STXBP5L: variants seen among roughly 807,000 people sequenced by gnomAD.
STXBP5L encodes the protein syntaxin binding protein 5L, also known as syntaxin-binding protein 5-like.
A neutral mutation model predicts 144.5 loss-of-function variants in STXBP5L; 65 were observed. That is an observed-to-expected ratio of 0.45 (90% CI 0.37 to 0.55). The LOEUF (loss-of-function observed/expected upper bound fraction) is 0.55. STXBP5L is among the 20% of genes least tolerant of loss of function. The probability of loss-of-function intolerance (pLI) is 0.00; values close to 1 mark genes in which losing one functional copy is unlikely to be tolerated. For missense variants in STXBP5L, 1,298 were observed against 1,405.5 expected, an observed-to-expected ratio of 0.92 and a Z score of 1.22; for synonymous variants, 505 against 469.6, an observed-to-expected ratio of 1.08 and a Z score of -0.97.
At position 121,172,056 on chromosome 3, in the gene STXBP5L, C is replaced by T. The variant is rs72966173; in HGVS notation, c.877+14429C>T. Among the ~76,000 whole-genome samples, 382 of 152,268 alleles carry T rather than the reference C, an allele frequency of 2.5e-3. 3 individuals carry two copies. Among genetic ancestry groups the T allele is most frequent in the African/African-American group, 8.6e-3 (359 of 41,560 alleles). On this transcript the variant is annotated intron_variant, in intron 9 of 26. Transcript: ENST00000471454. ...CCTCAGAAATAGCACGACACATCTA[C>T]AACCACCTGCTCTTTGACAAACGTG...
At chr3:121,072,052 A>G (rs549519854) in intron 5 of STXBP5L, among the ~76,000 whole-genome samples, 2 of 152,300 alleles carry the variant, frequency 1.3e-5, no homozygotes, top group African/African-American at 4.8e-5. Flanking sequence ...TTTCCATTTG[A>G]TTTTTAACAT....
intron 3 of STXBP5L, among the ~76,000 whole-genome samples, chr3:121,009,442 G>C (rs960955626): frequency 6.6e-6 from 1 of 152,090 alleles, no homozygotes; most frequent in South Asian, 2.1e-4. Context: ...TTATGACTAA[G>C]TGTACTGCTT....
Position 121,389,958 on chromosome 3 carries a change from G to A in STXBP5L, c.2587+8426G>A, listed in dbSNP as rs536773110. Among the ~76,000 whole-genome samples, 50 of 152,260 alleles carry A rather than the reference G, an allele frequency of 3.3e-4. No individual in the cohort carries two copies. The East Asian group carries it at 8.3e-3, about 25-fold the overall frequency. On this transcript the variant is annotated intron_variant, in intron 22 of 26. Coordinates refer to ENST00000471454, the MANE Select transcript of STXBP5L (RefSeq NM_001308330.2). ...GATATCCTTGTTAACCTTCTGTCTC[G>A]TGGATCTGTCTAATGTTGACAGTGG...
At chr3:121,086,788 T>A (rs2042516720) in intron 5 of STXBP5L, among the ~76,000 whole-genome samples, 1 of 152,090 alleles carries the variant, frequency 6.6e-6, no homozygotes, top group Non-Finnish European at 1.5e-5. Flanking sequence ...GGTTTTGGGA[T>A]ACTCAACCTG....
At chr3:121,006,827 A>G (rs897150442) in intron 3 of STXBP5L, among the ~76,000 whole-genome samples, 2 of 152,146 alleles carry the variant, frequency 1.3e-5, no homozygotes, top group Non-Finnish European at 2.9e-5. Flanking sequence ...TTGGCTGTAT[A>G]TGAAATTCTG....
At chr3:121,177,710 C>T (rs1039522989) in intron 9 of STXBP5L, among the ~76,000 whole-genome samples, 1 of 152,134 alleles carries the variant, frequency 6.6e-6, no homozygotes, top group Admixed American at 6.6e-5. Flanking sequence ...CTGTGGAAAA[C>T]AGTATGGTGG....
At chr3:121,116,853 A>C (rs181124084) in intron 6 of STXBP5L, among the ~76,000 whole-genome samples, 5 of 152,140 alleles carry the variant, frequency 3.3e-5, no homozygotes, top group African/African-American at 1.2e-4. Context: ...TGATAAAAAC[A>C]TACAGGCTTA....
Position 121,190,866 on chromosome 3 carries a change from G to A in STXBP5L, c.878-15057G>A, listed in dbSNP as rs181059424. The stretch of plus-strand genomic sequence containing the variant: ...ATGCTCCTCACCTCCCAGACGGGGT[G>A]GCGGCGGGGCAGAGACACTCCTCAG... On this transcript the variant is annotated intron_variant, in intron 9 of 26. Transcript: ENST00000471454. Among the ~76,000 whole-genome samples the A allele has an allele frequency of 2.0e-3, 301 of 151,918 alleles. 8 individuals carry two copies. In the East Asian group the frequency reaches 0.051, roughly 26 times the overall value.
intron 9 of STXBP5L, among the ~76,000 whole-genome samples, chr3:121,164,940 A>G (rs2046448834): frequency 6.6e-6 from 1 of 152,202 alleles, no homozygotes; most frequent in Non-Finnish European, 1.5e-5. Context: ...GCAGATATAT[A>G]GAAGAAAAAG....
intron 22 of STXBP5L, among the ~76,000 whole-genome samples, chr3:121,383,005 G>T (rs12107515): frequency 1.3e-5 from 2 of 151,996 alleles, no homozygotes; most frequent in African/African-American, 4.8e-5. Flanking sequence ...TCATTGGCTA[G>T]GCACAGTGGC....
At chr3:121,097,553 C>T (rs1301407200) in intron 5 of STXBP5L, among the ~76,000 whole-genome samples, 1 of 152,084 alleles carries the variant, frequency 6.6e-6, no homozygotes, top group Non-Finnish European at 1.5e-5. Context: ...CATGGCTTCC[C>T]TTGGTTAGGG....
chr3:121,080,935 C>G (rs1368826665), intron 5 of STXBP5L, among the ~76,000 whole-genome samples: 1 of 152,188 alleles, frequency 6.6e-6, no homozygotes, highest in Non-Finnish European at 1.5e-5. Flanking sequence ...AAGTTTTCCT[C>G]AATAATTCCT....
At chr3:121,383,262 C>T (rs1000236065) in intron 22 of STXBP5L, among the ~76,000 whole-genome samples, 1 of 151,934 alleles carries the variant, frequency 6.6e-6, no homozygotes, top group Non-Finnish European at 1.5e-5. Flanking sequence ...CATAATGAGA[C>T]CCCATCTCTA....
At chr3:121,069,879 C>G (rs541904191) in intron 5 of STXBP5L, among the ~76,000 whole-genome samples, 5 of 152,160 alleles carry the variant, frequency 3.3e-5, no homozygotes, top group African/African-American at 4.8e-5. Flanking sequence ...TGCTCTTGCA[C>G]TTTTGTCGAA....
intron 10 of STXBP5L, among the ~76,000 whole-genome samples, chr3:121,215,536 T>A (rs542915408): frequency 6.6e-6 from 1 of 152,312 alleles, no homozygotes; most frequent in Non-Finnish European, 1.5e-5. Context: ...TGGCCCCAAC[T>A]TTTTTATGGC....
chr3:121,060,623 G>T (rs2041222048), intron 5 of STXBP5L, among the ~76,000 whole-genome samples: 1 of 152,136 alleles, frequency 6.6e-6, no homozygotes, highest in Non-Finnish European at 1.5e-5. Flanking sequence ...TGGTTGTTAG[G>T]CTATTAATTA....
intron 5 of STXBP5L, among the ~76,000 whole-genome samples, chr3:121,060,222 G>A (rs2041200715): frequency 6.6e-6 from 1 of 152,118 alleles, no homozygotes; most frequent in Admixed American, 6.5e-5. Flanking sequence ...TGCATCTTTG[G>A]AGGTAATCAT....
At chr3:121,226,374 G>T (rs1159769182) in intron 11 of STXBP5L, among the ~76,000 whole-genome samples, 1 of 152,154 alleles carries the variant, frequency 6.6e-6, no homozygotes, top group African/African-American at 2.4e-5. Context: ...TTTGTGATGT[G>T]AATTGAGGAG....
intron 20 of STXBP5L, among the ~76,000 whole-genome samples, chr3:121,353,096 G>T (rs1048225404): frequency 1.3e-5 from 2 of 152,156 alleles, no homozygotes; most frequent in African/African-American, 4.8e-5. Context: ...GTATTTTATT[G>T]AGGATTTTTG....
Sources: allele counts gnomAD v4.1 joint callset (sites outside exome capture counted in the v4.1 genomes callset), GRCh38; gene constraint gnomAD v4.1.1; transcripts MANE v1.5; gene names NCBI Gene and HGNC (gene_info 2026-07-23, HGNC 2026-07-21).